The following SYN2 variants were observed in gnomAD, a reference collection of about 807,000 sequenced individuals.
The protein encoded by SYN2 is synapsin-2.
A neutral mutation model predicts 50.9 loss-of-function variants in SYN2; 19 were observed. That is an observed-to-expected ratio of 0.37 (90% CI 0.26 to 0.55). The LOEUF (loss-of-function observed/expected upper bound fraction) is 0.55, where lower values mean the gene tolerates loss of function less well. Among genes scored for constraint, SYN2 ranks in the 20% least tolerant of loss-of-function variants. The probability of loss-of-function intolerance (pLI) is 0.81; values close to 1 mark genes in which losing one functional copy is unlikely to be tolerated. For synonymous variants in SYN2, 255 were observed against 224.9 expected, an observed-to-expected ratio of 1.13 and a Z score of -1.20; for missense variants, 587 against 576.4, an observed-to-expected ratio of 1.02 and a Z score of -0.19.
chr3:12,009,593 C>T (rs1574883385), intron 1 of SYN2, among the ~76,000 whole-genome samples: 1 of 152,176 alleles, frequency 6.6e-6, no homozygotes, highest in East Asian at 1.9e-4. Flanking sequence ...TTTCTTTTTA[C>T]TCTTAAGTCG....
intron 1 of SYN2, among the ~76,000 whole-genome samples, chr3:12,056,328 G>C (rs1277770737): frequency 6.6e-6 from 1 of 152,092 alleles, no homozygotes; most frequent in African/African-American, 2.4e-5. Flanking sequence ...GTTGCTCCTG[G>C]GGTGGCTGTC....
intron 1 of SYN2, among the ~76,000 whole-genome samples, chr3:12,106,028 G>C (rs1696181393): frequency 6.6e-6 from 1 of 152,220 alleles, no homozygotes; most frequent in Non-Finnish European, 1.5e-5. Flanking sequence ...CAAGGTGTCA[G>C]CTGGGCTGAG....
chr3:12,161,482 G>T, intron 5 of SYN2, 64 bp from the exon 6 acceptor site: 1 of 1,580,968 alleles, frequency 6.3e-7, no homozygotes, highest in Non-Finnish European at 8.7e-7. Context: ...AGAAAAATAT[G>T]TGTAGGATTC....
chr3:12,176,426 G>C (rs894358176), intron 10 of SYN2, among the ~76,000 whole-genome samples: 2 of 152,254 alleles, frequency 1.3e-5, no homozygotes, highest in African/African-American at 4.8e-5. Flanking sequence ...ACGGGCTGAG[G>C]TGGGAACTGG....
chr3:12,158,061 A>C (rs1697509775), intron 5 of SYN2, among the ~76,000 whole-genome samples: 1 of 152,154 alleles, frequency 6.6e-6, no homozygotes, highest in South Asian at 2.1e-4. Flanking sequence ...CATCCTGCCG[A>C]GCTCTTGATC....
intron 1 of SYN2, among the ~76,000 whole-genome samples, chr3:12,033,632 C>G (rs1392953485): frequency 6.6e-6 from 1 of 152,146 alleles, no homozygotes. Context: ...ACATCTTAAT[C>G]ACCCCAAAAA....
intron 1 of SYN2, among the ~76,000 whole-genome samples, chr3:12,054,667 T>TG (rs1396285357): frequency 1.1e-4 from 1 of 9,030 alleles, no homozygotes. Flanking sequence ...ATCCTGGGAC[T>TG]TTTTTTTTTT....
chr3:12,184,666 G>C (rs1698302204), intron 11 of SYN2: 1 of 985,802 alleles, frequency 1.0e-6, no homozygotes, highest in African/African-American at 1.7e-5. Flanking sequence ...GTTTTGGACA[G>C]AGGCTCCACA....
At chr3:12,099,632 TA>T (rs1049372665) in intron 1 of SYN2, among the ~76,000 whole-genome samples, 3 of 150,528 alleles carry the variant, frequency 2.0e-5, no homozygotes, top group Admixed American at 1.3e-4. Context: ...CTCTCCATCT[TA>T]AAAAAAAATA....
chr3:12,153,315 G>C (rs1392143124), intron 5 of SYN2: 4 of 621,270 alleles, frequency 6.4e-6, no homozygotes, highest in South Asian at 1.9e-5. Context: ...ATGGGGTTTG[G>C]GAGGCAGGGG....
At chr3:12,153,399 C>A in intron 5 of SYN2, 1 of 1,223,660 alleles carries the variant, frequency 8.2e-7, no homozygotes, top group Non-Finnish European at 1.2e-6. Context: ...GTCCACTTGG[C>A]ACTTCTTATT....
At chr3:12,161,958 G>T in intron 6 of SYN2, 54 bp from the exon 7 acceptor site, 2 of 1,602,744 alleles carry the variant, frequency 1.2e-6, no homozygotes, top group Non-Finnish European at 1.7e-6. Context: ...TGACTTCTCA[G>T]TGTGTGTATG....
At chr3:12,169,612 G>A in intron 9 of SYN2, 145 bp from the exon 10 acceptor site, 1 of 881,896 alleles carries the variant, frequency 1.1e-6, no homozygotes, top group Non-Finnish European at 1.7e-6. Flanking sequence ...TTCTGCAAAT[G>A]ATCACACTTC....
intron 1 of SYN2, among the ~76,000 whole-genome samples, chr3:12,139,408 GAATAGAT>G (rs963037178): frequency 6.6e-6 from 1 of 152,168 alleles, no homozygotes; most frequent in African/African-American, 2.4e-5. Context: ...GAGATGGAGA[GAATAGAT>G]CACCAGGGGG....
intron 1 of SYN2, 52 bp downstream of exon 1, chr3:12,004,980 A>G: frequency 2.2e-6 from 1 of 454,000 alleles, no homozygotes; most frequent in South Asian, 3.9e-5. Context: ...CGGCAGCCGC[A>G]GGCCAGGAGA....
At chr3:12,173,514 A>G (rs1043506258) in intron 10 of SYN2, among the ~76,000 whole-genome samples, 7 of 152,062 alleles carry the variant, frequency 4.6e-5, no homozygotes, top group African/African-American at 1.7e-4. Flanking sequence ...CCAAAAGATT[A>G]TTGGAAAGTT....
At chr3:12,035,079 A>T (rs926864153) in intron 1 of SYN2, among the ~76,000 whole-genome samples, 2 of 152,234 alleles carry the variant, frequency 1.3e-5, no homozygotes, top group African/African-American at 4.8e-5. Context: ...AGACGTTCCT[A>T]TTACAAAAGG....
Position 12,187,319 on chromosome 3 carries a change from A to C in SYN2, c.1370-50A>C, listed in dbSNP as rs185910603. The C allele has an allele frequency of 2.0e-5, 30 of 1,478,152 alleles. No individual in the cohort carries two copies. In the African/African-American group the frequency reaches 3.5e-4, roughly 17 times the overall value. 91.6% of individuals were successfully genotyped at this position (1,478,152 alleles called of 1,614,324 possible). A position where few individuals can be genotyped will look rare whatever the true frequency, so the allele number is the denominator to read the frequency against. On this transcript the variant is annotated intron_variant, in intron 11 of 12. Coordinates refer to ENST00000621198, the MANE Select transcript of SYN2 (RefSeq NM_133625.6). ...CTTTGAGGCATAAATTCTAATAAGG[A>C]AACATTTTTATATGGTTAAATTATG... is the stretch of plus-strand genomic sequence containing the variant.
At chr3:12,169,651 C>G in intron 9 of SYN2, 106 bp from the exon 10 acceptor site, 2 of 1,279,156 alleles carry the variant, frequency 1.6e-6, no homozygotes, top group Non-Finnish European at 2.2e-6. Context: ...CCTGCTTCAT[C>G]TCCAGTCCAT....
Sources: allele counts gnomAD v4.1 joint callset (sites outside exome capture counted in the v4.1 genomes callset), GRCh38; gene constraint gnomAD v4.1.1; transcripts MANE v1.5; gene names NCBI Gene and HGNC (gene_info 2026-07-23, HGNC 2026-07-21).